The following NTN1 variants were observed in gnomAD, a reference collection of about 807,000 sequenced individuals.
The protein encoded by NTN1 is netrin 1.
NTN1 carries 11 observed loss-of-function variants against 54.2 expected under a neutral mutation model. That is an observed-to-expected ratio of 0.20 (90% CI 0.13 to 0.34). NTN1 has a LOEUF of 0.34. NTN1 is among the 10% of genes least tolerant of loss of function. The pLI is 1.00. For missense variants in NTN1, 740 were observed against 893.1 expected, an observed-to-expected ratio of 0.83 and a Z score of 2.18; for synonymous variants, 371 against 382.0, an observed-to-expected ratio of 0.97 and a Z score of 0.33.
At position 9,086,577 on chromosome 17, in the gene NTN1, C is replaced by T. The variant is rs8064854; in HGVS notation, c.1018+63186C>T. 6.4e-3 allele frequency among the ~76,000 whole-genome samples: 973 copies of T among 152,168 alleles called. 11 individuals carry two copies. Among genetic ancestry groups the T allele is most frequent in the African/African-American group, 0.022 (928 of 41,516 alleles). ...GAGGAAGAGGTACCAGAGCCACTTG[C>T]GGGGCAGGATCAGGGAACGCTTCCT... On this transcript the variant is annotated intron_variant, in intron 2 of 6. Transcript: ENST00000173229.
intron 2 of NTN1, among the ~76,000 whole-genome samples, chr17:9,126,084 A>C (rs926267602): frequency 6.6e-6 from 1 of 152,264 alleles, no homozygotes; most frequent in Non-Finnish European, 1.5e-5. Context: ...TGAACGACGC[A>C]TGGGGTGGAG....
chr17:9,006,188 G>A, the NTN1 span, among the ~76,000 whole-genome samples: 1 of 147,334 alleles, frequency 6.8e-6, no homozygotes, highest in East Asian at 2.0e-4. Flanking sequence ...GTGGTGGGTA[G>A]TGGGGGGGAC....
chr17:9,115,865 C>A (rs1330272543), intron 2 of NTN1, among the ~76,000 whole-genome samples: 3 of 152,256 alleles, frequency 2.0e-5, no homozygotes, highest in African/African-American at 4.8e-5. Flanking sequence ...CTCGCCGTCT[C>A]CGAGGCCGTG....
At chr17:9,192,574 G>A (rs996920815) in intron 5 of NTN1, among the ~76,000 whole-genome samples, 3 of 152,178 alleles carry the variant, frequency 2.0e-5, no homozygotes, top group African/African-American at 7.2e-5. Flanking sequence ...ATGCAGCCAA[G>A]TATCTTGTGT....
intron 2 of NTN1, among the ~76,000 whole-genome samples, chr17:9,140,020 T>G (rs964852906): frequency 6.6e-6 from 1 of 151,836 alleles, no homozygotes; most frequent in Admixed American, 6.6e-5. Flanking sequence ...ACTCTTATAC[T>G]TTCAGTTTGC....
At chr17:9,134,246 T>C (rs867072309) in intron 2 of NTN1, among the ~76,000 whole-genome samples, 14 of 152,094 alleles carry the variant, frequency 9.2e-5, no homozygotes, top group African/African-American at 2.9e-4. Flanking sequence ...TAAACAGGAT[T>C]CCCTTAGAAT....
At chr17:9,051,151 C>T (rs1047698623) in intron 2 of NTN1, among the ~76,000 whole-genome samples, 5 of 152,208 alleles carry the variant, frequency 3.3e-5, no homozygotes, top group African/African-American at 4.8e-5. Flanking sequence ...CTCACAGGCT[C>T]TCCTTGGCAG....
intron 2 of NTN1, among the ~76,000 whole-genome samples, chr17:9,090,012 A>G (rs575751942): frequency 1.3e-5 from 2 of 152,074 alleles, no homozygotes; most frequent in Non-Finnish European, 1.5e-5. Flanking sequence ...TTTTGAGGCC[A>G]AAGGGAGAGA....
intron 2 of NTN1, among the ~76,000 whole-genome samples, chr17:9,160,207 G>T (rs1216610094): frequency 6.6e-6 from 1 of 152,138 alleles, no homozygotes. Context: ...AGGTTCAAGA[G>T]ATTCTCCTGC....
At chr17:9,045,621 A>G (rs2091939306) in intron 2 of NTN1, among the ~76,000 whole-genome samples, 1 of 152,226 alleles carries the variant, frequency 6.6e-6, no homozygotes, top group Admixed American at 6.5e-5. Flanking sequence ...TGAGCTAAGT[A>G]TCTAATTTAA....
At chr17:9,161,533 A>ACCCTG (rs2092357047) in intron 2 of NTN1, among the ~76,000 whole-genome samples, 1 of 151,958 alleles carries the variant, frequency 6.6e-6, no homozygotes, top group South Asian at 2.1e-4. Flanking sequence ...TCATCCCAGC[A>ACCCTG]CTTTGGGAGG....
At chr17:9,122,635 G>A (rs1318314408) in intron 2 of NTN1, among the ~76,000 whole-genome samples, 3 of 152,104 alleles carry the variant, frequency 2.0e-5, no homozygotes, top group Admixed American at 1.3e-4. Context: ...TTTTCATGTG[G>A]CAAAGGCAAT....
intron 2 of NTN1, among the ~76,000 whole-genome samples, chr17:9,036,462 C>T (rs2091904053): frequency 1.4e-5 from 2 of 144,598 alleles, no homozygotes. Flanking sequence ...GTGGTGCAAT[C>T]ACGTCTCACT....
At chr17:9,173,274 C>G (rs1312593284) in intron 3 of NTN1, 12 of 152,566 alleles carry the variant, frequency 7.9e-5, no homozygotes, top group African/African-American at 2.9e-4. Flanking sequence ...GTTGCTGATC[C>G]TTCACTCCTG....
chr17:9,193,865 G>GAT (rs1477346041), intron 5 of NTN1, among the ~76,000 whole-genome samples: 1 of 135,056 alleles, frequency 7.4e-6, no homozygotes, highest in Non-Finnish European at 1.5e-5. Context: ...AGGTTGCAGT[G>GAT]ATCCAAGATG....
intron 5 of NTN1, among the ~76,000 whole-genome samples, chr17:9,193,437 G>T (rs1169155463): frequency 6.6e-6 from 1 of 152,148 alleles, no homozygotes; most frequent in Non-Finnish European, 1.5e-5. Context: ...AAGTTTAGAC[G>T]TTATGACATT....
chr17:9,140,186 C>G (rs2092293598), intron 2 of NTN1, among the ~76,000 whole-genome samples: 1 of 152,170 alleles, frequency 6.6e-6, no homozygotes, highest in Non-Finnish European at 1.5e-5. Context: ...GAGCTGTGTT[C>G]TCCTGAAAGA....
chr17:9,184,348 G>T (rs763950719), intron 5 of NTN1, among the ~76,000 whole-genome samples: 4 of 152,244 alleles, frequency 2.6e-5, no homozygotes, highest in Non-Finnish European at 4.4e-5. Flanking sequence ...GAAGGAAGCA[G>T]CATGACAGGG....
chr17:9,120,836 C>T (rs914574366), intron 2 of NTN1, among the ~76,000 whole-genome samples: 1 of 152,194 alleles, frequency 6.6e-6, no homozygotes, highest in Non-Finnish European at 1.5e-5. Flanking sequence ...GGTGGCCATT[C>T]GACTTCATAT....
Sources: gnomAD v4.1 joint callset for allele counts (sites outside exome capture counted in the v4.1 genomes callset) on GRCh38, gnomAD v4.1.1 for gene constraint, MANE v1.5 for transcripts, NCBI Gene and HGNC (gene_info 2026-07-23, HGNC 2026-07-21) for gene names.